Variants in FAM185A observed in about 807,000 individuals in gnomAD.
FAM185A encodes the protein family with sequence similarity 185 member A.
Under a neutral mutation model 45.7 loss-of-function variants are expected in FAM185A, and 21 were observed. The observed-to-expected ratio is 0.46, with a 90% CI of 0.33 to 0.66. The LOEUF (loss-of-function observed/expected upper bound fraction) is 0.66. Among genes scored for constraint, FAM185A ranks in the 30% least tolerant of loss-of-function variants. The probability of loss-of-function intolerance (pLI) is 0.03; values close to 1 mark genes in which losing one functional copy is unlikely to be tolerated. For synonymous variants in FAM185A, 117 were observed against 194.0 expected (o/e 0.60, Z 3.30); for missense variants, 305 against 485.4 (o/e 0.63, Z 3.49).
downstream of FAM185A, among the ~76,000 whole-genome samples, chr7:102,813,739 A>C (rs1797616948): frequency 6.6e-6 from 1 of 152,208 alleles, no homozygotes; most frequent in Admixed American, 6.5e-5. Context: ...CAGCCAGTTC[A>C]GAAATTAACA....
chr7:102,835,603 G>GTTTTTTTTTTTTT, the FAM185A span, among the ~76,000 whole-genome samples: 1 of 97,526 alleles, frequency 1.0e-5, no homozygotes, highest in Non-Finnish European at 1.9e-5. Context: ...AGGTGACATT[G>GTTTTTTTTTTTTT]TTTTTTTTTT....
downstream of FAM185A, chr7:102,813,116 A>C: frequency 2.2e-6 from 1 of 459,392 alleles, no homozygotes; most frequent in East Asian, 4.1e-5. Flanking sequence ...CTAGGATTAC[A>C]GGTGTGAGCC....
chr7:102,762,603 T>TTA (rs1794175502), intron 4 of FAM185A, among the ~76,000 whole-genome samples: 1 of 152,112 alleles, frequency 6.6e-6, no homozygotes, highest in Non-Finnish European at 1.5e-5. Context: ...TGAGCAAGAG[T>TTA]TATAGAGTGG....
chr7:102,785,931 T>C (rs1324085136), intron 6 of FAM185A, among the ~76,000 whole-genome samples: 2 of 152,130 alleles, frequency 1.3e-5, no homozygotes, highest in Non-Finnish European at 2.9e-5. Flanking sequence ...AATCTACTCT[T>C]CTGACAAAGG....
intron 2 of FAM185A, among the ~76,000 whole-genome samples, chr7:102,754,227 G>C (rs1793547219): frequency 6.6e-6 from 1 of 150,848 alleles, no homozygotes; most frequent in African/African-American, 2.4e-5. Flanking sequence ...TTGAGGCGGA[G>C]TCTCACTCTG....
chr7:102,834,145 G>GAAGAA, the FAM185A span, among the ~76,000 whole-genome samples: 8 of 94,794 alleles, frequency 8.4e-5, no homozygotes, highest in African/African-American at 4.0e-4. Context: ...AAAGAAAAGA[G>GAAGAA]AAGACAAGAG....
chr7:102,767,050 C>A (rs1288755287), intron 4 of FAM185A, among the ~76,000 whole-genome samples: 1 of 152,088 alleles, frequency 6.6e-6, no homozygotes, highest in Non-Finnish European at 1.5e-5. Context: ...CACGCCTCGG[C>A]CTCCCAAAGT....
chr7:102,797,748 A>G (rs1796520911), intron 7 of FAM185A, among the ~76,000 whole-genome samples: 2 of 152,346 alleles, frequency 1.3e-5, no homozygotes, highest in Admixed American at 6.5e-5. Context: ...TGTTTGTAGT[A>G]TAAAAGAGAA....
chr7:102,848,024 T>G, the FAM185A span, among the ~76,000 whole-genome samples: 1 of 152,176 alleles, frequency 6.6e-6, no homozygotes, highest in African/African-American at 2.4e-5. Flanking sequence ...ATACTAGACA[T>G]AGATGTACCT....
chr7:102,768,363 A>C (rs1794538180), intron 4 of FAM185A, among the ~76,000 whole-genome samples: 1 of 147,550 alleles, frequency 6.8e-6, no homozygotes, highest in African/African-American at 2.5e-5. Context: ...CTTTTTAAAA[A>C]TCTTGTTGAC....
intron 7 of FAM185A, among the ~76,000 whole-genome samples, chr7:102,789,551 A>G (rs866928501): frequency 6.6e-6 from 1 of 152,210 alleles, no homozygotes; most frequent in Non-Finnish European, 1.5e-5. Context: ...TTCTACTAAA[A>G]TACAAAAATT....
intron 7 of FAM185A, among the ~76,000 whole-genome samples, chr7:102,807,002 G>A (rs1276276377): frequency 1.3e-5 from 2 of 152,184 alleles, no homozygotes; most frequent in South Asian, 2.1e-4. Context: ...AGCAGGCATT[G>A]AGGAAACTAC....
chr7:102,775,766 TTTTAG>T (rs1795021501), intron 5 of FAM185A, among the ~76,000 whole-genome samples: 1 of 152,296 alleles, frequency 6.6e-6, no homozygotes, highest in African/African-American at 2.4e-5. Flanking sequence ...CTTTTCTTTT[TTTTAG>T]CATAATGTAA....
In FAM185A at chr7:102,749,131, T is replaced by C; in HGVS notation, c.-77T>C. ...TCCTATTTGACTTGAGGCGGCACAG[T>C]GGCCAAGTCGATTGGCCGTGGCAAG... On this transcript the variant is annotated 5_prime_UTR_variant, in exon 1 of 8. Coordinates refer to ENST00000413034, the MANE Select transcript of FAM185A (RefSeq NM_001145268.2). 1 of 1,524,234 alleles carries C rather than the reference T, an allele frequency of 6.6e-7. No individual in the cohort carries two copies. The highest frequency in any genetic ancestry group is 8.9e-7 in the Non-Finnish European group (1 of 1,123,118). The allele number at this position is 1,524,234 out of a possible 1,614,324, so 94.4% of individuals were successfully genotyped here.
chr7:102,843,642 C>A, the FAM185A span, among the ~76,000 whole-genome samples: 1 of 151,734 alleles, frequency 6.6e-6, no homozygotes, highest in East Asian at 1.9e-4. Context: ...CAGACATGGT[C>A]GTGGGCACCT....
chr7:102,836,292 T>TTGGTCTAAG, the FAM185A span, among the ~76,000 whole-genome samples: 1 of 152,248 alleles, frequency 6.6e-6, no homozygotes, highest in African/African-American at 2.4e-5. Context: ...TAAGGCTTTA[T>TTGGTCTAAG]GCTAAATCAG....
At chr7:102,784,848 G>T (rs1795672418) in intron 6 of FAM185A, among the ~76,000 whole-genome samples, 1 of 152,186 alleles carries the variant, frequency 6.6e-6, no homozygotes, top group Non-Finnish European at 1.5e-5. Flanking sequence ...TCAGGCAGGA[G>T]AAAGAAATAA....
chr7:102,805,727 C>T (rs1454777660), intron 7 of FAM185A, among the ~76,000 whole-genome samples: 1 of 151,648 alleles, frequency 6.6e-6, no homozygotes, highest in African/African-American at 2.4e-5. Context: ...GGTGGGGAGG[C>T]AGAGGTTATA....
chr7:102,789,479 C>T (rs377189213), intron 7 of FAM185A, among the ~76,000 whole-genome samples: 8 of 151,548 alleles, frequency 5.3e-5, no homozygotes, highest in Non-Finnish European at 1.2e-4. Context: ...GAGGCCAAGG[C>T]GGGCAGATCG....
Sources: gnomAD v4.1 joint callset for allele counts (sites outside exome capture counted in the v4.1 genomes callset) on GRCh38, gnomAD v4.1.1 for gene constraint, MANE v1.5 for transcripts, NCBI Gene and HGNC (gene_info 2026-07-23, HGNC 2026-07-21) for gene names.